FNIP2: variants seen among roughly 807,000 people sequenced by gnomAD.
The protein encoded by FNIP2 is folliculin-interacting protein 2.
A neutral mutation model predicts 108.7 loss-of-function variants in FNIP2; 32 were observed. The ratio of observed to expected loss-of-function variants is 0.29; its 90% CI spans 0.22 to 0.40. The LOEUF (loss-of-function observed/expected upper bound fraction) is 0.40. FNIP2 is among the 10% of genes least tolerant of loss of function. The pLI, the probability that FNIP2 is intolerant of heterozygous loss-of-function variation, is 1.00. For synonymous variants in FNIP2, 480 were observed against 496.7 expected (o/e 0.97, Z 0.45); for missense variants, 1,202 against 1,381.6 (o/e 0.87, Z 2.06).
At chr4:158,792,499 G>A (rs1776453672) in intron 1 of FNIP2, among the ~76,000 whole-genome samples, 1 of 152,038 alleles carries the variant, frequency 6.6e-6, no homozygotes, top group Non-Finnish European at 1.5e-5. Flanking sequence ...GTGTCTTTAG[G>A]TAAGCTTTGT....
intron 1 of FNIP2, among the ~76,000 whole-genome samples, chr4:158,780,087 G>A (rs1336557920): frequency 6.6e-6 from 1 of 151,874 alleles, no homozygotes; most frequent in Non-Finnish European, 1.5e-5. Flanking sequence ...ACATGCCTGT[G>A]GTTATAGCTA....
At chr4:158,770,538 A>C (rs1357439973) in intron 1 of FNIP2, among the ~76,000 whole-genome samples, 1 of 152,160 alleles carries the variant, frequency 6.6e-6, no homozygotes, top group East Asian at 1.9e-4. Flanking sequence ...CACTGTGGTC[A>C]TGTGAAAATT....
intron 1 of FNIP2, among the ~76,000 whole-genome samples, chr4:158,803,086 T>G (rs1241585193): frequency 6.6e-6 from 1 of 152,206 alleles, no homozygotes; most frequent in African/African-American, 2.4e-5. Flanking sequence ...GTAGCAGTGG[T>G]GGCAACAGCA....
Position 158,871,970 on chromosome 4 carries a change from A to G in FNIP2, c.2949+1501A>G, listed in dbSNP as rs890441956. On this transcript the variant is annotated intron_variant, in intron 14 of 16. Coordinates refer to ENST00000264433, the MANE Select transcript of FNIP2 (RefSeq NM_020840.3). ...TAAGGCACCTTTTCTGTCCGCTCCT[A>G]TTGTTTATATTCACACATGCCAAAC... The G allele has an allele frequency of 1.2e-5, 12 of 982,600 alleles. No individual in the cohort carries two copies. The African/African-American group carries it at 2.1e-4, about 17-fold the overall frequency. 60.9% of individuals were successfully genotyped at this position (982,600 alleles called of 1,614,324 possible). A position where few individuals can be genotyped will look rare whatever the true frequency, so the allele number is the denominator to read the frequency against.
At chr4:158,857,365 C>T (rs776672795) in intron 8 of FNIP2, among the ~76,000 whole-genome samples, 5 of 152,142 alleles carry the variant, frequency 3.3e-5, no homozygotes, top group Non-Finnish European at 5.9e-5. Context: ...AGTGCCAGTA[C>T]CTTGGTAAAG....
At chr4:158,864,471 A>G (rs1780468781) in intron 12 of FNIP2, among the ~76,000 whole-genome samples, 1 of 152,234 alleles carries the variant, frequency 6.6e-6, no homozygotes, top group Non-Finnish European at 1.5e-5. Context: ...ATTCTACAAC[A>G]TAGACGTTAT....
At chr4:158,866,218 A>ATTTTTTTTT (rs1261545921) in intron 12 of FNIP2, among the ~76,000 whole-genome samples, 1 of 12,368 alleles carries the variant, frequency 8.1e-5, no homozygotes, top group African/African-American at 1.9e-4. Context: ...TATTCTGGTT[A>ATTTTTTTTT]TTCTTTTTTT....
At chr4:158,821,174 G>A (rs1268875992) in intron 1 of FNIP2, among the ~76,000 whole-genome samples, 2 of 152,206 alleles carry the variant, frequency 1.3e-5, no homozygotes, top group African/African-American at 4.8e-5. Context: ...AAAAGAGTCT[G>A]TATAAGTCAT....
chr4:158,829,570 G>A (rs980205090), intron 3 of FNIP2, among the ~76,000 whole-genome samples: 1 of 152,170 alleles, frequency 6.6e-6, no homozygotes, highest in Non-Finnish European at 1.5e-5. Flanking sequence ...AGGATTCTGG[G>A]AATGTATATG....
At chr4:158,820,474 G>A (rs887167599) in intron 1 of FNIP2, among the ~76,000 whole-genome samples, 2 of 152,174 alleles carry the variant, frequency 1.3e-5, no homozygotes, top group African/African-American at 4.8e-5. Context: ...TACTACCTCT[G>A]CATTTGCCCT....
chr4:158,812,293 G>C (rs1010424163), intron 1 of FNIP2, among the ~76,000 whole-genome samples: 3 of 152,210 alleles, frequency 2.0e-5, no homozygotes, highest in Non-Finnish European at 4.4e-5. Flanking sequence ...ACATGTGACA[G>C]TTGGGTACAT....
intron 12 of FNIP2, among the ~76,000 whole-genome samples, chr4:158,863,769 A>G (rs1780422471): frequency 6.6e-6 from 1 of 152,208 alleles, no homozygotes; most frequent in African/African-American, 2.4e-5. Context: ...ATAGGTATAC[A>G]AAGTTTAAAT....
At chr4:158,871,182 C>G (rs1209881337) in intron 14 of FNIP2, among the ~76,000 whole-genome samples, 2 of 152,156 alleles carry the variant, frequency 1.3e-5, no homozygotes, top group African/African-American at 4.8e-5. Context: ...TGCCTCGTGG[C>G]TGCTATTAAG....
chr4:158,894,143 A>G (rs895354464), intron 15 of FNIP2, among the ~76,000 whole-genome samples: 2 of 151,642 alleles, frequency 1.3e-5, no homozygotes, highest in Non-Finnish European at 2.9e-5. Context: ...GTTCAATGGA[A>G]TAATCAAGTC....
chr4:158,891,106 T>C (rs998315569), intron 14 of FNIP2, among the ~76,000 whole-genome samples: 1 of 152,170 alleles, frequency 6.6e-6, no homozygotes, highest in East Asian at 1.9e-4. Flanking sequence ...TAATTTTCCT[T>C]GGTAAATGAG....
intron 1 of FNIP2, among the ~76,000 whole-genome samples, chr4:158,812,075 G>A (rs1161434435): frequency 6.6e-6 from 1 of 152,202 alleles, no homozygotes; most frequent in Non-Finnish European, 1.5e-5. Flanking sequence ...CTGGTGGATG[G>A]TTTAGCGGCT....
chr4:158,890,889 C>G (rs1410521723), intron 14 of FNIP2, among the ~76,000 whole-genome samples: 1 of 152,134 alleles, frequency 6.6e-6, no homozygotes, highest in Non-Finnish European at 1.5e-5. Context: ...GAAGGAGCAT[C>G]CAGCTGGCAT....
intron 1 of FNIP2, among the ~76,000 whole-genome samples, chr4:158,809,441 A>T (rs1475628923): frequency 6.6e-6 from 1 of 152,226 alleles, no homozygotes. Flanking sequence ...CCTGGGCAAC[A>T]CAGCAAGACT....
chr4:158,769,683 G>A (rs1025762067), intron 1 of FNIP2, among the ~76,000 whole-genome samples: 5 of 152,202 alleles, frequency 3.3e-5, no homozygotes, highest in African/African-American at 1.2e-4. Flanking sequence ...GCCCAGCAAA[G>A]CTGTGAGCTG....
Sources: allele counts gnomAD v4.1 joint callset (sites outside exome capture counted in the v4.1 genomes callset), GRCh38; gene constraint gnomAD v4.1.1; transcripts MANE v1.5; gene names NCBI Gene and HGNC (gene_info 2026-07-23, HGNC 2026-07-21).